Variants in FRMPD4 observed in about 807,000 individuals in gnomAD.
FRMPD4 encodes the protein FERM and PDZ domain containing 4.
FRMPD4 carries 22 observed loss-of-function variants against 94.1 expected under a neutral mutation model. The observed-to-expected ratio is 0.23, with a 90% CI of 0.17 to 0.33. The LOEUF is 0.33. Among genes scored for constraint, FRMPD4 ranks in the 10% least tolerant of loss-of-function variants. FRMPD4 has a pLI of 1.00. For missense variants in FRMPD4, 1,111 were observed against 1,339.9 expected (o/e 0.83, Z 2.67); for synonymous variants, 631 against 548.6 (o/e 1.15, Z -2.10).
intron 4 of FRMPD4, among the ~76,000 whole-genome samples, chrX:12,647,839 TC>T (rs1467054617): frequency 9.0e-6 from 1 of 111,219 alleles, no homozygotes; most frequent in Non-Finnish European, 1.9e-5. Context: ...CAAAACTTGC[TC>T]CTTTTTTTAC....
At chrX:12,293,146 C>T (rs754292995) in intron 1 of FRMPD4, among the ~76,000 whole-genome samples, 36 of 111,282 alleles carry the variant, frequency 3.2e-4, no homozygotes, top group African/African-American at 1.0e-3. Context: ...AGGCTAAACA[C>T]GCAGCTCGCA....
intron 1 of FRMPD4, among the ~76,000 whole-genome samples, chrX:11,829,057 G>T (rs942716343): frequency 1.5e-4 from 17 of 112,193 alleles, no homozygotes; most frequent in Admixed American, 9.4e-4. Context: ...ACTGGGAGGA[G>T]GGTCAGCCTT....
intron 4 of FRMPD4, among the ~76,000 whole-genome samples, chrX:12,618,680 C>T (rs1022914366): frequency 1.8e-5 from 2 of 110,984 alleles, no homozygotes; most frequent in African/African-American, 3.3e-5. Context: ...GTGGCTGTCC[C>T]GAATCACAAC....
chrX:11,862,998 C>CT (rs1210216537), intron 1 of FRMPD4, among the ~76,000 whole-genome samples: 12 of 78,861 alleles, frequency 1.5e-4, no homozygotes, highest in African/African-American at 4.4e-4. Context: ...ATCTCTCTCT[C>CT]TTTTTTTTTA....
At chrX:12,063,573 C>G (rs2054899365) in intron 3 of FRMPD4, among the ~76,000 whole-genome samples, 1 of 111,432 alleles carries the variant, frequency 9.0e-6, no homozygotes, top group Admixed American at 9.5e-5. Context: ...TAACATAGAC[C>G]CCATCTGTAC....
intron 1 of FRMPD4, among the ~76,000 whole-genome samples, chrX:12,246,147 T>A (rs2053954949): frequency 9.0e-6 from 1 of 111,564 alleles, no homozygotes; most frequent in Non-Finnish European, 1.9e-5. Flanking sequence ...TGTGATTCAC[T>A]TCCTTGGAAT....
intron 2 of FRMPD4, among the ~76,000 whole-genome samples, chrX:12,596,477 C>G (rs1202765240): frequency 9.0e-6 from 1 of 110,843 alleles, no homozygotes; most frequent in African/African-American, 3.3e-5. Flanking sequence ...ATTCTACTCT[C>G]AGTGACTATT....
At chrX:12,268,117 C>T (rs1258899826) in intron 1 of FRMPD4, among the ~76,000 whole-genome samples, 5 of 112,290 alleles carry the variant, frequency 4.5e-5, no homozygotes, top group African/African-American at 1.6e-4. Flanking sequence ...GCGTCATCTC[C>T]CTTTAGCTAG....
rs1383243849 is a variant in FRMPD4 at position 12,716,706 on chromosome X, G to A, written c.2247G>A (p.Glu749=). 5.8e-6 allele frequency: 7 copies of A among 1,211,408 alleles called. No individual in the cohort carries two copies. The highest frequency in any genetic ancestry group is 7.8e-6 in the Non-Finnish European group (7 of 895,167). Residue 749 remains glutamate (E), a synonymous_variant, in exon 15 of 17, where the codon GAG becomes GAA. Transcript: ENST00000675598. ...ATGCAGAAAACACTGATGACGCGGA[G>A]GACGAGGACGAGGTGAGCTGCGAGG... ...ICYAENTDDA[E]DEDEVSCEED...
chrX:12,157,015 A>G (rs1471531472), intron 1 of FRMPD4, among the ~76,000 whole-genome samples: 1 of 111,579 alleles, frequency 9.0e-6, no homozygotes, highest in Non-Finnish European at 1.9e-5. Flanking sequence ...TAAATGAATC[A>G]AATGTTTGAT....
intron 1 of FRMPD4, among the ~76,000 whole-genome samples, chrX:11,859,844 C>A (rs932810407): frequency 1.8e-5 from 2 of 112,031 alleles, no homozygotes; most frequent in Non-Finnish European, 3.8e-5. Context: ...GCCCTGTCAA[C>A]CCCTAGCTGC....
chrX:12,285,195 A>T (rs1180462691), intron 1 of FRMPD4, among the ~76,000 whole-genome samples: 1 of 111,902 alleles, frequency 8.9e-6, no homozygotes, highest in Non-Finnish European at 1.9e-5. Flanking sequence ...GGTGATGGAG[A>T]CCTATTCATT....
At position 12,236,321 on chromosome X, in the gene FRMPD4, A is replaced by G. The variant is rs147377625; in HGVS notation, c.41+97309A>G. 6.2e-3 allele frequency among the ~76,000 whole-genome samples: 690 copies of G among 111,731 alleles called. 9 individuals carry two copies. Among genetic ancestry groups the G allele is most frequent in the African/African-American group, 0.021 (659 of 30,774 alleles). On this transcript the variant is annotated intron_variant, in intron 1 of 16. Coordinates refer to ENST00000675598, the MANE Select transcript of FRMPD4 (RefSeq NM_001368397.1). ...AAAACTTTGAAAACCCTCAAGCATT[A>G]TAAAAGGCCAAGTTTGCTCAACAGT...
intron 3 of FRMPD4, among the ~76,000 whole-genome samples, chrX:12,128,504 C>T (rs2055520561): frequency 8.9e-6 from 1 of 112,235 alleles, no homozygotes; most frequent in African/African-American, 3.2e-5. Context: ...GCCTTTGGAC[C>T]TATCATGGAA....
At chrX:11,869,087 G>A (rs1300631503) in intron 2 of FRMPD4, among the ~76,000 whole-genome samples, 2 of 111,790 alleles carry the variant, frequency 1.8e-5, no homozygotes, top group Non-Finnish European at 3.8e-5. Flanking sequence ...GGTTTCCCTG[G>A]AATCTAAGAC....
intron 1 of FRMPD4, among the ~76,000 whole-genome samples, chrX:12,301,740 A>G (rs1408072344): frequency 2.7e-5 from 3 of 112,461 alleles, no homozygotes; most frequent in Admixed American, 1.9e-4. Flanking sequence ...CTCAATGGCT[A>G]TTTGTTTAAG....
At chrX:12,622,019 G>GAAAGA (rs1480326716) in intron 4 of FRMPD4, among the ~76,000 whole-genome samples, 17 of 22,621 alleles carry the variant, frequency 7.5e-4, no homozygotes, top group African/African-American at 1.5e-3. Context: ...AGAAAGAAAG[G>GAAAGA]AAGGAAGGAA....
chrX:12,078,974 AT>A (rs2055041602), intron 3 of FRMPD4, among the ~76,000 whole-genome samples: 1 of 111,592 alleles, frequency 9.0e-6, no homozygotes, highest in Admixed American at 9.5e-5. Context: ...TTGCAGTAAA[AT>A]CCATGCAGTG....
intron 3 of FRMPD4, among the ~76,000 whole-genome samples, chrX:11,913,293 G>A (rs184658863): frequency 7.1e-4 from 80 of 112,314 alleles, no homozygotes; most frequent in African/African-American, 2.5e-3. Context: ...ATACTTGGAG[G>A]AGTGCTGGTC....
Sources: allele counts gnomAD v4.1 joint callset (sites outside exome capture counted in the v4.1 genomes callset), GRCh38; gene constraint gnomAD v4.1.1; transcripts MANE v1.5; gene names NCBI Gene and HGNC (gene_info 2026-07-23, HGNC 2026-07-21).